PPM1H: variants seen among roughly 807,000 people sequenced by gnomAD.
PPM1H encodes the protein protein phosphatase 1H.
PPM1H carries 27 observed loss-of-function variants against 54.9 expected under a neutral mutation model. That is an observed-to-expected ratio of 0.49 (90% confidence interval 0.36 to 0.68). The LOEUF (loss-of-function observed/expected upper bound fraction) is 0.68. PPM1H is among the 30% of genes least tolerant of loss of function. The pLI is 0.00. For missense variants in PPM1H, 596 were observed against 667.8 expected (o/e 0.89, Z 1.19); for synonymous variants, 305 against 270.8 (o/e 1.13, Z -1.24).
chr12:62,664,495 T>C (rs1254258383), intron 9 of PPM1H, among the ~76,000 whole-genome samples: 1 of 152,242 alleles, frequency 6.6e-6, no homozygotes, highest in Admixed American at 6.5e-5. Context: ...TCAACTTGTT[T>C]ACTTAAAGCC....
intron 4 of PPM1H, among the ~76,000 whole-genome samples, chr12:62,786,903 T>C (rs1355804768): frequency 3.3e-5 from 5 of 152,250 alleles, no homozygotes; most frequent in Non-Finnish European, 7.3e-5. Flanking sequence ...TTACATTTCA[T>C]GTAATACACG....
At chr12:62,746,635 C>T (rs775429131) in intron 4 of PPM1H, among the ~76,000 whole-genome samples, 2 of 152,230 alleles carry the variant, frequency 1.3e-5, no homozygotes, top group Admixed American at 6.5e-5. Flanking sequence ...CAGCCAATTA[C>T]GCTTTCTATT....
chr12:62,740,277 G>T (rs1310286535), intron 4 of PPM1H, among the ~76,000 whole-genome samples: 1 of 152,102 alleles, frequency 6.6e-6, no homozygotes, highest in Non-Finnish European at 1.5e-5. Flanking sequence ...TGTCACCTGA[G>T]TCAACAAATG....
At chr12:62,767,200 A>C (rs2076549158) in intron 4 of PPM1H, among the ~76,000 whole-genome samples, 1 of 152,150 alleles carries the variant, frequency 6.6e-6, no homozygotes, top group Non-Finnish European at 1.5e-5. Flanking sequence ...ATACTTGGGC[A>C]ACATCGGGAT....
At chr12:62,890,480 G>A (rs1870745014) in intron 1 of PPM1H, among the ~76,000 whole-genome samples, 1 of 152,032 alleles carries the variant, frequency 6.6e-6, no homozygotes, top group Non-Finnish European at 1.5e-5. Context: ...ATTTTGTTGT[G>A]AACCTAAATC....
intron 1 of PPM1H, among the ~76,000 whole-genome samples, chr12:62,915,457 T>C (rs1871592701): frequency 6.6e-6 from 1 of 152,212 alleles, no homozygotes; most frequent in South Asian, 2.1e-4. Flanking sequence ...AACGTCCAGG[T>C]GATCAAACCA....
chr12:62,706,343 G>A (rs1051122303), intron 6 of PPM1H, among the ~76,000 whole-genome samples: 1 of 152,114 alleles, frequency 6.6e-6, no homozygotes, highest in African/African-American at 2.4e-5. Context: ...AAGAAGCGCA[G>A]GCCTGAGTAA....
intron 6 of PPM1H, among the ~76,000 whole-genome samples, chr12:62,719,035 G>C (rs188241969): frequency 1.2e-4 from 18 of 152,296 alleles, no homozygotes; most frequent in Admixed American, 9.8e-4. Flanking sequence ...AAGTAGATGG[G>C]GTAGGCAGAA....
At chr12:62,705,386 C>T (rs2076167411) in intron 6 of PPM1H, among the ~76,000 whole-genome samples, 1 of 152,190 alleles carries the variant, frequency 6.6e-6, no homozygotes, top group South Asian at 2.1e-4. Context: ...ATTTACTGAG[C>T]ACCTAGTAGG....
intron 1 of PPM1H, among the ~76,000 whole-genome samples, chr12:62,901,179 G>A (rs1221837583): frequency 6.6e-6 from 1 of 152,178 alleles, no homozygotes. Flanking sequence ...GCATTCTGTT[G>A]CACAATGAAT....
intron 1 of PPM1H, among the ~76,000 whole-genome samples, chr12:62,862,623 C>A (rs1428433715): frequency 1.3e-5 from 2 of 152,164 alleles, no homozygotes; most frequent in Non-Finnish European, 2.9e-5. Flanking sequence ...TGGTGTACAG[C>A]TTTAACAGAT....
At chr12:62,932,628 CTTTTTTTTTT>C (rs61003358) in intron 1 of PPM1H, among the ~76,000 whole-genome samples, 19 of 54,010 alleles carry the variant, frequency 3.5e-4, no homozygotes, top group Non-Finnish European at 5.8e-4. Flanking sequence ...TCCAAATGGG[CTTTTTTTTTT>C]TTTTTTTTTT....
At chr12:62,871,311 A>G (rs1869969707) in intron 1 of PPM1H, among the ~76,000 whole-genome samples, 1 of 152,164 alleles carries the variant, frequency 6.6e-6, no homozygotes, top group South Asian at 2.1e-4. Context: ...ATATGAGTCT[A>G]TTTATATGAA....
At chr12:62,777,601 C>A (rs1270735612) in intron 4 of PPM1H, among the ~76,000 whole-genome samples, 1 of 152,142 alleles carries the variant, frequency 6.6e-6, no homozygotes, top group East Asian at 1.9e-4. Context: ...TAATCCATTC[C>A]TAACAGTTAT....
At chr12:62,859,048 T>A (rs1869501373) in intron 1 of PPM1H, among the ~76,000 whole-genome samples, 1 of 152,216 alleles carries the variant, frequency 6.6e-6, no homozygotes, top group Admixed American at 6.5e-5. Flanking sequence ...GAAGCTAACT[T>A]GGTAGCAACA....
chr12:62,720,321 A>T, intron 5 of PPM1H, 32 bp from the exon 6 acceptor site: 1 of 1,463,948 alleles, frequency 6.8e-7, no homozygotes, highest in Non-Finnish European at 9.6e-7. Context: ...AAAAACACAC[A>T]CATACACGTA....
chr12:62,794,947 C>T (rs1243304286), intron 3 of PPM1H, among the ~76,000 whole-genome samples: 3 of 152,150 alleles, frequency 2.0e-5, no homozygotes, highest in African/African-American at 7.2e-5. Flanking sequence ...CCATGGCTCA[C>T]TTTTCATAGT....
chr12:62,856,540 C>A (rs1035857556), intron 1 of PPM1H, among the ~76,000 whole-genome samples: 1 of 152,018 alleles, frequency 6.6e-6, no homozygotes, highest in Non-Finnish European at 1.5e-5. Context: ...GCAGAAATAT[C>A]CCAGGCTCAT....
At chr12:62,693,276 G>T (rs150890576) in intron 7 of PPM1H, among the ~76,000 whole-genome samples, 76 of 152,322 alleles carry the variant, frequency 5.0e-4, no homozygotes, top group African/African-American at 1.8e-3. Flanking sequence ...GTTCGACAAC[G>T]TGCTGTTCAG....
Sources: allele counts gnomAD v4.1 joint callset (sites outside exome capture counted in the v4.1 genomes callset), GRCh38; gene constraint gnomAD v4.1.1; transcripts MANE v1.5; gene names NCBI Gene and HGNC (gene_info 2026-07-23, HGNC 2026-07-21).